The following ZDHHC7 variants were observed in gnomAD, a reference collection of about 807,000 sequenced individuals.
ZDHHC7 encodes zDHHC palmitoyltransferase 7.
In ZDHHC7, 12 loss-of-function variants were observed where a neutral mutation model predicts 34.1. The ratio of observed to expected loss-of-function variants is 0.35; its 90% CI spans 0.23 to 0.57. The LOEUF is 0.57. Among genes scored for constraint, ZDHHC7 ranks in the 20% least tolerant of loss-of-function variants. ZDHHC7 has a pLI of 0.84. For synonymous variants in ZDHHC7, 185 were observed against 155.4 expected (o/e 1.19, Z -1.42); for missense variants, 388 against 402.7 (o/e 0.96, Z 0.31).
the ZDHHC7 span, among the ~76,000 whole-genome samples, chr16:85,019,193 C>T: frequency 2.6e-5 from 4 of 152,200 alleles, no homozygotes; most frequent in South Asian, 2.1e-4. Flanking sequence ...ATTCCTGCAA[C>T]GTATTTCGTT....
chr16:84,989,731 C>T (rs1226470440), intron 3 of ZDHHC7, among the ~76,000 whole-genome samples: 1 of 147,046 alleles, frequency 6.8e-6, no homozygotes, highest in Admixed American at 6.8e-5. Flanking sequence ...ATCTTATTAA[C>T]GTCTGGGTAC....
intron 2 of ZDHHC7, among the ~76,000 whole-genome samples, chr16:84,995,566 C>T (rs892321278): frequency 6.6e-6 from 1 of 152,092 alleles, no homozygotes; most frequent in Admixed American, 6.6e-5. Flanking sequence ...ACAGAGGTCG[C>T]AGAGAGCCAA....
In ZDHHC7 at chr16:84,977,137, A is replaced by G; in HGVS notation, c.708T>C (p.Val236=). The G allele has an allele frequency of 6.2e-7, 1 of 1,614,186 alleles. No individual in the cohort carries two copies. Among genetic ancestry groups the G allele is most frequent in the South Asian group, 1.1e-5 (1 of 91,084 alleles). The change falls in exon 7 of 8, where the codon GTT becomes GTC. Residue 236 remains valine, a synonymous_variant. Transcript: ENST00000313732. The part of the protein sequence containing the change: ...EGLLFFTFTA[V]MFGTQIHSIC... ...TGGAGTGGATTTGGGTGCCAAACAT[A>G]ACTGCAGTGAAAGTGAAAAACAGAA...
Position 84,990,305 on chromosome 16 carries a change from G to C in ZDHHC7, c.314C>G (p.Pro105Arg), listed in dbSNP as rs1318582939. The C allele has an allele frequency of 6.2e-7, 1 of 1,613,258 alleles. No homozygotes were observed. The highest frequency in any genetic ancestry group is 8.5e-7 in the Non-Finnish European group (1 of 1,179,472). Residue 105 changes from proline (P) to arginine (R), a missense_variant and splice_region_variant, in exon 3 of 8, where the codon CCT becomes CGT. Physicochemically the swap from Pro to Arg is moderately radical, Grantham distance 103. Transcript: ENST00000313732. Reference sequence around the variant, plus strand: ...CCCAGAGACGCAGCCAGTACTCACAGGGTCGGTGAGCATGGTTCTCAGGTG... The same window carrying C: ...CCCAGAGACGCAGCCAGTACTCACACGGTCGGTGAGCATGGTTCTCAGGTG... ...SSHLRTMLTD[P>R]GAVPKGNATK...
intron 2 of ZDHHC7, among the ~76,000 whole-genome samples, chr16:84,991,351 T>C (rs1327139416): frequency 1.3e-5 from 2 of 152,142 alleles, no homozygotes; most frequent in African/African-American, 4.8e-5. Flanking sequence ...AGTGGTGCGA[T>C]CTTGGCTCAC....
At position 84,976,365 on chromosome 16, in the gene ZDHHC7, C is replaced by A. The variant is rs1344943155; in HGVS notation, c.905G>T (p.Gly302Val). Residue 302 changes from glycine (G) to valine (V), a missense_variant, in exon 8 of 8, where the codon GGT becomes GTT. By Grantham distance (109) the Gly-to-Val change is moderately radical. Transcript: ENST00000313732. ...GCCTCACACTGAGAACTCCGGGCCA[C>A]CTTTTCTGGGTCTCGTGGGCAGTCG... ...FRRLPTRPRK[G>V]GPEFSV 2.5e-6 allele frequency: 4 copies of A among 1,614,046 alleles called. No homozygotes were observed. The South Asian group carries it at 4.4e-5, about 18-fold the overall frequency.
chr16:85,003,261 G>A (rs1399827123), intron 1 of ZDHHC7, among the ~76,000 whole-genome samples: 1 of 152,186 alleles, frequency 6.6e-6, no homozygotes, highest in Non-Finnish European at 1.5e-5. Context: ...GGTCCAGGGG[G>A]GCGCTGTAAG....
chr16:84,989,635 C>T (rs1388513262), intron 3 of ZDHHC7, among the ~76,000 whole-genome samples: 3 of 137,922 alleles, frequency 2.2e-5, no homozygotes, highest in Non-Finnish European at 3.0e-5. Context: ...GCAGAGGTTG[C>T]AGTGAGCCAA....
rs1488116031 is a variant in ZDHHC7, at chr16:84,975,570, C to A, written c.*773G>T. The A allele has an allele frequency of 6.5e-6, 1 of 152,682 alleles. No homozygotes were observed. Among genetic ancestry groups the A allele is most frequent in the East Asian group, 1.9e-4 (1 of 5,192 alleles). 9.5% of individuals were successfully genotyped at this position (152,682 alleles called of 1,614,324 possible). A position where few individuals can be genotyped will look rare whatever the true frequency, so the allele number is the denominator to read the frequency against. Reference sequence around the variant, plus strand: ...TTCTTTGGATCGAGATGTCCTCCAACAGCAATACATTCATAGTAACCACGG... The same window carrying A: ...TTCTTTGGATCGAGATGTCCTCCAAAAGCAATACATTCATAGTAACCACGG... On this transcript the variant is annotated 3_prime_UTR_variant, in exon 8 of 8. Transcript: ENST00000313732.
At chr16:85,004,234 C>T (rs942108570) in intron 1 of ZDHHC7, among the ~76,000 whole-genome samples, 3 of 151,982 alleles carry the variant, frequency 2.0e-5, no homozygotes, top group African/African-American at 7.3e-5. Flanking sequence ...CATTCCCCAC[C>T]TCTCCACATC....
At chr16:85,020,649 G>A in the ZDHHC7 span, among the ~76,000 whole-genome samples, 1 of 152,132 alleles carries the variant, frequency 6.6e-6, no homozygotes, top group Non-Finnish European at 1.5e-5. Flanking sequence ...TTAAGGCCCT[G>A]CGAGGGTCAG....
intron 1 of ZDHHC7, among the ~76,000 whole-genome samples, chr16:85,008,177 T>C (rs906000959): frequency 6.6e-6 from 1 of 152,070 alleles, no homozygotes; most frequent in Admixed American, 6.5e-5. Flanking sequence ...GTCTGCCCTT[T>C]GTCCTCAGCT....
rs761079233 is a variant in ZDHHC7 at position 84,977,238 on chromosome 16, G to C, written c.620-13C>G. ...AAATCACTGCATTCTGCGGACAAGA[G>C]GAAGTTGGTTATAACTGGTCCTGAA... On this transcript the variant is annotated splice_polypyrimidine_tract_variant and intron_variant, in intron 6 of 7. Transcript: ENST00000313732. 1.2e-6 allele frequency: 2 copies of C among 1,613,804 alleles called. No individual in the cohort carries two copies. The highest frequency in any genetic ancestry group is 1.7e-5 in the Admixed American group (1 of 59,980).
chr16:85,027,415 A>G, the ZDHHC7 span, among the ~76,000 whole-genome samples: 9 of 152,272 alleles, frequency 5.9e-5, no homozygotes, highest in South Asian at 1.9e-3. Context: ...AGGGCCAGGA[A>G]ACAACTAGAA....
At chr16:85,025,259 A>T in the ZDHHC7 span, among the ~76,000 whole-genome samples, 2 of 151,218 alleles carry the variant, frequency 1.3e-5, no homozygotes, top group Admixed American at 1.3e-4. Context: ...TGACAGAGTG[A>T]GATGATTTAA....
intron 4 of ZDHHC7, among the ~76,000 whole-genome samples, 153 bp downstream of exon 4, chr16:84,981,717 A>T (rs1254660725): frequency 1.6e-4 from 25 of 152,218 alleles, no homozygotes; most frequent in Admixed American, 1.6e-3. Context: ...CCTACCCCAG[A>T]AAGAACATGA....
upstream of ZDHHC7, among the ~76,000 whole-genome samples, chr16:85,012,349 A>C (rs975150110): frequency 6.8e-6 from 1 of 146,356 alleles, no homozygotes; most frequent in Non-Finnish European, 1.5e-5. Context: ...AAGCCACTGC[A>C]CTCCAGCCTG....
At chr16:84,978,359 GA>G (rs796677505) in intron 5 of ZDHHC7, among the ~76,000 whole-genome samples, 1 of 151,976 alleles carries the variant, frequency 6.6e-6, no homozygotes, top group African/African-American at 2.4e-5. Flanking sequence ...TCTTGTCAGA[GA>G]AAAAAATGAG....
intron 1 of ZDHHC7, among the ~76,000 whole-genome samples, chr16:84,996,949 C>T (rs2072586645): frequency 6.6e-6 from 1 of 151,706 alleles, no homozygotes; most frequent in African/African-American, 2.4e-5. Context: ...CTGCTTGAAC[C>T]CACGAGGCGG....
Sources: allele counts gnomAD v4.1 joint callset (sites outside exome capture counted in the v4.1 genomes callset), GRCh38; gene constraint gnomAD v4.1.1; transcripts MANE v1.5; gene names NCBI Gene and HGNC (gene_info 2026-07-23, HGNC 2026-07-21).